INSYN2A: variants seen among roughly 807,000 people sequenced by gnomAD.
The protein encoded by INSYN2A is inhibitory synaptic factor 2A.
Under a neutral mutation model 39.4 loss-of-function variants are expected in INSYN2A, and 17 were observed. The ratio of observed to expected loss-of-function variants is 0.43; its 90% CI spans 0.30 to 0.65. The LOEUF (loss-of-function observed/expected upper bound fraction) is 0.65, where lower values mean the gene tolerates loss of function less well. Among genes scored for constraint, INSYN2A ranks in the 30% least tolerant of loss-of-function variants. INSYN2A has a pLI of 0.14. For missense variants in INSYN2A, 595 were observed against 631.2 expected (o/e 0.94, Z 0.61); for synonymous variants, 255 against 265.7 (o/e 0.96, Z 0.39).
chr10:127,151,485 C>G (rs1238359530), intron 5 of INSYN2A, among the ~76,000 whole-genome samples: 1 of 152,062 alleles, frequency 6.6e-6, no homozygotes, highest in Non-Finnish European at 1.5e-5. Context: ...TTTTAAAAAT[C>G]AGGAAAGAAA....
At chr10:127,173,871 A>G (rs968041410) in intron 4 of INSYN2A, among the ~76,000 whole-genome samples, 3 of 152,196 alleles carry the variant, frequency 2.0e-5, no homozygotes, top group African/African-American at 7.2e-5. Context: ...CTATGAATCT[A>G]CTGTTAAGAT....
chr10:127,168,105 G>A (rs2054245197), intron 4 of INSYN2A, among the ~76,000 whole-genome samples: 1 of 152,164 alleles, frequency 6.6e-6, no homozygotes, highest in Non-Finnish European at 1.5e-5. Context: ...ATAAGCCTGT[G>A]CACGCAGGTC....
intron 4 of INSYN2A, among the ~76,000 whole-genome samples, chr10:127,173,378 A>G (rs1018279271): frequency 6.6e-6 from 1 of 152,194 alleles, no homozygotes; most frequent in African/African-American, 2.4e-5. Flanking sequence ...ACACTGCTAG[A>G]TGGATGGCAT....
chr10:127,185,910 G>A (rs1386948270), intron 2 of INSYN2A, among the ~76,000 whole-genome samples: 2 of 152,180 alleles, frequency 1.3e-5, no homozygotes, highest in African/African-American at 2.4e-5. Flanking sequence ...TACTGTTGTA[G>A]AAAATGTGAC....
At position 127,184,374 on chromosome 10, in the gene INSYN2A, C is replaced by A. The variant is rs1034355595; in HGVS notation, c.-268-7235G>T. ...CATGCCCTATTCGTTTTTGTTTTTC[C>A]TTCCTGTTGCTTCTCCTACTGATTT... On this transcript the variant is annotated intron_variant, in intron 2 of 5. Coordinates refer to ENST00000522781, the MANE Select transcript of INSYN2A (RefSeq NM_001039762.3). Among the ~76,000 whole-genome samples, 3 of 141,794 alleles carry A rather than the reference C, an allele frequency of 2.1e-5. No homozygotes were observed. The South Asian group carries it at 7.0e-4, about 33-fold the overall frequency. The allele number at this position is 141,794 out of a possible 152,430, so 93.0% of individuals were successfully genotyped here.
intron 4 of INSYN2A, among the ~76,000 whole-genome samples, chr10:127,163,029 T>A (rs1176960541): frequency 6.6e-6 from 1 of 152,196 alleles, no homozygotes; most frequent in Non-Finnish European, 1.5e-5. Context: ...CGGGCCCGGC[T>A]TCTCTCTTCC....
At chr10:127,149,359 T>A (rs915222027) in intron 5 of INSYN2A, among the ~76,000 whole-genome samples, 2 of 152,128 alleles carry the variant, frequency 1.3e-5, no homozygotes, top group Non-Finnish European at 2.9e-5. Flanking sequence ...CTGGTGGTTT[T>A]CCCCCCGCCT....
chr10:127,190,682 C>CCCCCCCG (rs1554912109), intron 2 of INSYN2A, among the ~76,000 whole-genome samples: 1 of 43,734 alleles, frequency 2.3e-5, no homozygotes, highest in Non-Finnish European at 4.9e-5. Context: ...CCCCCCCCCC[C>CCCCCCCG]CGTTCCTGCT....
chr10:127,142,345 T>C (rs1744155096), intron 5 of INSYN2A, among the ~76,000 whole-genome samples: 1 of 152,094 alleles, frequency 6.6e-6, no homozygotes, highest in African/African-American at 2.4e-5. Context: ...CAGGCCTCAC[T>C]CTCCAGCAGC....
intron 5 of INSYN2A, among the ~76,000 whole-genome samples, chr10:127,150,927 G>T (rs931418590): frequency 1.3e-5 from 2 of 152,266 alleles, no homozygotes. Context: ...GAAAACGTCT[G>T]GGCCTCACCT....
intron 5 of INSYN2A, among the ~76,000 whole-genome samples, chr10:127,151,749 C>T (rs146219719): frequency 6.2e-4 from 94 of 152,260 alleles, no homozygotes; most frequent in African/African-American, 1.9e-3. Flanking sequence ...GTGAGTCTTC[C>T]TAAGTCTTGG....
chr10:127,156,036 G>C (rs2053011286), intron 4 of INSYN2A, among the ~76,000 whole-genome samples: 3 of 152,196 alleles, frequency 2.0e-5, no homozygotes, highest in Non-Finnish European at 2.9e-5. Flanking sequence ...GGTTCTTACA[G>C]TGGGCGAAAC....
At chr10:127,158,969 C>T (rs1275268178) in intron 4 of INSYN2A, among the ~76,000 whole-genome samples, 1 of 152,118 alleles carries the variant, frequency 6.6e-6, no homozygotes, top group Non-Finnish European at 1.5e-5. Context: ...ATCCCAGGGA[C>T]CAATTTGGGG....
At chr10:127,143,229 A>T (rs773797136) in intron 5 of INSYN2A, among the ~76,000 whole-genome samples, 1 of 152,222 alleles carries the variant, frequency 6.6e-6, no homozygotes, top group Non-Finnish European at 1.5e-5. Flanking sequence ...AGTTAAAAGC[A>T]GGACAATCTG....
In INSYN2A at chr10:127,175,259, G is replaced by T. The variant is rs1282625638; in HGVS notation, c.1137C>A (p.Leu379=). Residue 379 remains leucine (L), a synonymous_variant, in exon 4 of 6, where the codon CTC becomes CTA. Transcript: ENST00000522781. The surrounding 1 kb of genome is among the most constrained non-coding windows in gnomAD (Gnocchi z 6.3). Reference sequence around the variant, plus strand: ...TTTCCAACTCCTGAATGACCCCCAAGAGCACTTTGATGGTTTCTTGGCTTG... The same window carrying T: ...TTTCCAACTCCTGAATGACCCCCAATAGCACTTTGATGGTTTCTTGGCTTG... ...ISSSQETIKV[L]LGVIQELEKG... The T allele has an allele frequency of 6.2e-7, 1 of 1,614,008 alleles. No homozygotes were observed. The highest frequency in any genetic ancestry group is 8.5e-7 in the Non-Finnish European group (1 of 1,180,018).
intron 2 of INSYN2A, among the ~76,000 whole-genome samples, chr10:127,189,722 T>A (rs887839693): frequency 6.6e-6 from 1 of 152,200 alleles, no homozygotes; most frequent in African/African-American, 2.4e-5. Flanking sequence ...CAGCATTCCT[T>A]TAAGTTCACA....
intron 5 of INSYN2A, among the ~76,000 whole-genome samples, chr10:127,145,063 TGACCA>T: frequency 6.6e-6 from 1 of 152,204 alleles, no homozygotes; most frequent in African/African-American, 2.4e-5. Context: ...ATGTTTTCCG[TGACCA>T]TACTGGAGAA....
Position 127,135,617 on chromosome 10 carries a change from C to A in INSYN2A, c.*2220G>T, listed in dbSNP as rs2050624184. 6.6e-6 allele frequency: 1 copy of A among 152,620 alleles called. No individual in the cohort carries two copies. Among genetic ancestry groups the A allele is most frequent in the South Asian group, 2.1e-4 (1 of 4,834 alleles). 9.5% of individuals were successfully genotyped at this position (152,620 alleles called of 1,614,324 possible). On this transcript the variant is annotated 3_prime_UTR_variant, in exon 6 of 6. Transcript: ENST00000522781. ...ATCACCATCTGTTAGTGACGTGTTGCAATTAAACTATGAAATGATTTTGAC... is the reference window on the plus strand; with the variant it reads ...ATCACCATCTGTTAGTGACGTGTTGAAATTAAACTATGAAATGATTTTGAC...
intron 4 of INSYN2A, among the ~76,000 whole-genome samples, chr10:127,166,441 C>G (rs939106626): frequency 1.3e-5 from 2 of 152,222 alleles, no homozygotes; most frequent in Non-Finnish European, 2.9e-5. Flanking sequence ...GTGGGCCGGT[C>G]TGACAGCCCA....
Sources: gnomAD v4.1 joint callset for allele counts (sites outside exome capture counted in the v4.1 genomes callset) on GRCh38, gnomAD v4.1.1 for gene constraint, Gnocchi (gnomAD v3.1) non-coding constraint, MANE v1.5 for transcripts, NCBI Gene and HGNC (gene_info 2026-07-23, HGNC 2026-07-21) for gene names.